The following STON2 variants were observed in gnomAD, a reference collection of about 807,000 sequenced individuals.
The protein encoded by STON2 is stonin-2.
Under a neutral mutation model 65.7 loss-of-function variants are expected in STON2, and 29 were observed. The ratio of observed to expected loss-of-function variants is 0.44; its 90% confidence interval spans 0.33 to 0.60. The LOEUF is 0.60. STON2 is among the 20% of genes least tolerant of loss of function. The probability of loss-of-function intolerance (pLI) is 0.03; values close to 1 mark genes in which losing one functional copy is unlikely to be tolerated. For synonymous variants in STON2, 404 were observed against 414.2 expected, an observed-to-expected ratio of 0.98 and a Z score of 0.30; for missense variants, 1,054 against 1,118.1, an observed-to-expected ratio of 0.94 and a Z score of 0.82.
intron 6 of STON2, 73 bp from the exon 7 acceptor site, chr14:81,270,945 T>C: frequency 6.4e-7 from 1 of 1,552,188 alleles, no homozygotes; most frequent in Non-Finnish European, 8.7e-7. Flanking sequence ...AGGAGCCACT[T>C]TGGTAATAAA....
intron 5 of STON2, among the ~76,000 whole-genome samples, chr14:81,282,595 G>A (rs1277091263): frequency 6.6e-6 from 1 of 152,032 alleles, no homozygotes; most frequent in Non-Finnish European, 1.5e-5. Context: ...TAATAATCTC[G>A]TAATATTTTG....
At chr14:81,410,564 G>T (rs1027946163) in intron 2 of STON2, among the ~76,000 whole-genome samples, 1 of 152,142 alleles carries the variant, frequency 6.6e-6, no homozygotes. Flanking sequence ...TAGCCTGAAG[G>T]GGACCCTGAG....
Position 81,262,983 on chromosome 14 carries a change from G to GA in STON2, c.*5430dup. The GA allele has an allele frequency of 1.0e-6, 1 of 985,376 alleles. No homozygotes were observed. Among genetic ancestry groups the GA allele is most frequent in the Non-Finnish European group, 1.2e-6 (1 of 829,866 alleles). The allele number at this position is 985,376 out of a possible 1,614,324, so 61.0% of individuals were successfully genotyped here. On this transcript the variant is annotated 3_prime_UTR_variant, in exon 8 of 8. Coordinates refer to ENST00000614646, the MANE Select transcript of STON2 (RefSeq NM_001394390.1). Reference sequence around the variant, plus strand: ...AGCACTTAGACCTTGGTAATGTTTAGAAATCATCTTTAGAAACTTGGTGAG... The same window carrying GA: ...AGCACTTAGACCTTGGTAATGTTTAGAAAATCATCTTTAGAAACTTGGTGAG...
At chr14:81,408,804 T>A (rs1399136479) in intron 2 of STON2, among the ~76,000 whole-genome samples, 1 of 152,192 alleles carries the variant, frequency 6.6e-6, no homozygotes, top group Non-Finnish European at 1.5e-5. Context: ...CCTGAGGCAG[T>A]GACCTTGACT....
At chr14:81,388,381 A>G (rs1467088955) in intron 3 of STON2, among the ~76,000 whole-genome samples, 1 of 152,142 alleles carries the variant, frequency 6.6e-6, no homozygotes, top group Non-Finnish European at 1.5e-5. Context: ...TGATTTAAGC[A>G]TTTCTGGAGT....
intron 2 of STON2, among the ~76,000 whole-genome samples, chr14:81,410,371 T>C (rs1901097615): frequency 6.6e-6 from 1 of 151,498 alleles, no homozygotes; most frequent in Non-Finnish European, 1.5e-5. Context: ...GCCCTGGTAT[T>C]ACTCTTGTAG....
intron 3 of STON2, among the ~76,000 whole-genome samples, chr14:81,385,946 T>A (rs759237111): frequency 2.0e-5 from 3 of 152,122 alleles, no homozygotes; most frequent in African/African-American, 2.4e-5. Context: ...GGCCCCCCGC[T>A]GCAGAGGCGA....
At chr14:81,400,036 A>T (rs1258353763) in intron 1 of STON2, among the ~76,000 whole-genome samples, 1 of 152,218 alleles carries the variant, frequency 6.6e-6, no homozygotes, top group Non-Finnish European at 1.5e-5. Flanking sequence ...AGTACAACAG[A>T]ATACAGTACA....
At chr14:81,371,690 AAG>A (rs1302477413) in intron 3 of STON2, among the ~76,000 whole-genome samples, 4 of 145,504 alleles carry the variant, frequency 2.7e-5, no homozygotes, top group African/African-American at 1.0e-4. Flanking sequence ...AAAAAAAAAA[AAG>A]AAAAGAAAAG....
At chr14:81,340,662 C>T (rs1897573065) in intron 4 of STON2, among the ~76,000 whole-genome samples, 1 of 152,146 alleles carries the variant, frequency 6.6e-6, no homozygotes, top group African/African-American at 2.4e-5. Flanking sequence ...AGCCCACCCA[C>T]CACCTAGATG....
At chr14:81,408,150 C>CAA in intron 2 of STON2, among the ~76,000 whole-genome samples, 1 of 141,582 alleles carries the variant, frequency 7.1e-6, no homozygotes, top group Non-Finnish European at 1.5e-5. Context: ...CACACACACA[C>CAA]ACACACACGC....
chr14:81,293,587 C>T (rs562428954), intron 5 of STON2, among the ~76,000 whole-genome samples: 12 of 152,222 alleles, frequency 7.9e-5, no homozygotes, highest in South Asian at 2.1e-4. Context: ...CCTCCCACTC[C>T]GACTCTGAGC....
intron 5 of STON2, among the ~76,000 whole-genome samples, chr14:81,297,970 G>A (rs1895825723): frequency 6.6e-6 from 1 of 152,226 alleles, no homozygotes; most frequent in African/African-American, 2.4e-5. Flanking sequence ...CTGGGAGGCA[G>A]AGGTTGTGGT....
chr14:81,366,789 G>A (rs983707001), intron 4 of STON2, among the ~76,000 whole-genome samples: 2 of 151,738 alleles, frequency 1.3e-5, no homozygotes, highest in Non-Finnish European at 2.9e-5. Context: ...TTATCCTTAT[G>A]CCCCATATCA....
At chr14:81,402,428 A>T (rs997422441), upstream of STON2, among the ~76,000 whole-genome samples, 4 of 152,134 alleles carry the variant, frequency 2.6e-5, no homozygotes, top group Non-Finnish European at 4.4e-5. Flanking sequence ...CTGCTCTCTA[A>T]CCTATTCTGG....
chr14:81,395,822 C>T, intron 3 of STON2, 72 bp downstream of exon 3: 1 of 1,487,080 alleles, frequency 6.7e-7, no homozygotes, highest in Admixed American at 1.8e-5. Context: ...ATCCTGGCAG[C>T]CCTATAGACC....
chr14:81,366,502 C>T (rs1250805150), intron 4 of STON2, among the ~76,000 whole-genome samples: 1 of 152,030 alleles, frequency 6.6e-6, no homozygotes, highest in Non-Finnish European at 1.5e-5. Context: ...GAGGGAGCTC[C>T]GGATGAGACT....
intron 3 of STON2, among the ~76,000 whole-genome samples, chr14:81,381,704 G>A (rs1899525957): frequency 6.6e-6 from 1 of 152,136 alleles, no homozygotes; most frequent in Non-Finnish European, 1.5e-5. Context: ...GAGCCACAGT[G>A]TCTTTCATGT....
At chr14:81,273,609 G>A (rs752101429) in intron 6 of STON2, among the ~76,000 whole-genome samples, 13 of 152,292 alleles carry the variant, frequency 8.5e-5, no homozygotes, top group Middle Eastern at 3.4e-3. Context: ...AGCTGCCCAC[G>A]TATGTGGCTG....
Sources: gnomAD v4.1 joint callset for allele counts (sites outside exome capture counted in the v4.1 genomes callset) on GRCh38, gnomAD v4.1.1 for gene constraint, MANE v1.5 for transcripts, NCBI Gene and HGNC (gene_info 2026-07-23, HGNC 2026-07-21) for gene names.